PLEKHA5: variants seen among roughly 807,000 people sequenced by gnomAD.
PLEKHA5 encodes the protein pleckstrin homology domain containing A5.
A neutral mutation model predicts 181.9 loss-of-function variants in PLEKHA5; 55 were observed. The observed-to-expected ratio is 0.30, with a 90% CI of 0.24 to 0.38. The LOEUF (loss-of-function observed/expected upper bound fraction) is 0.38. Ranked by LOEUF, PLEKHA5 falls within the 10% of genes least tolerant of loss-of-function variation. The probability of loss-of-function intolerance (pLI) is 1.00; values close to 1 mark genes in which losing one functional copy is unlikely to be tolerated. For missense variants in PLEKHA5, 1,432 were observed against 1,549.5 expected (o/e 0.92, Z 1.27); for synonymous variants, 535 against 529.4 (o/e 1.01, Z -0.15).
chr12:19,306,322 G>C (rs1405663446), intron 15 of PLEKHA5: 2 of 400,202 alleles, frequency 5.0e-6, no homozygotes, highest in African/African-American at 4.1e-5. Flanking sequence ...TGGGGTTGGA[G>C]GCGAGGTGGG....
intron 11 of PLEKHA5, among the ~76,000 whole-genome samples, chr12:19,279,258 A>T (rs546084072): frequency 9.9e-5 from 15 of 152,280 alleles, no homozygotes; most frequent in Admixed American, 5.2e-4. Flanking sequence ...GGATTTTTTT[A>T]AAAAATCAAA....
At chr12:19,327,328 T>C (rs1009517348) in intron 20 of PLEKHA5, among the ~76,000 whole-genome samples, 2 of 151,840 alleles carry the variant, frequency 1.3e-5, no homozygotes, top group Non-Finnish European at 2.9e-5. Context: ...TTAATTTGTA[T>C]TTCTCTGATG....
chr12:19,283,461 A>G lies in PLEKHA5; in HGVS notation c.1495A>G (p.Arg499Gly). 5 of 1,614,134 alleles carry G rather than the reference A, an allele frequency of 3.1e-6. No homozygotes were observed. The highest frequency in any genetic ancestry group is 4.2e-6 in the Non-Finnish European group (5 of 1,180,030). The change falls in exon 12 of 32, where the codon AGG becomes GGG. Residue 499 changes from arginine (R) to glycine (G), a missense_variant. By Grantham distance (125) the Arg-to-Gly change is moderately radical. Coordinates refer to ENST00000429027, the MANE Select transcript of PLEKHA5 (RefSeq NM_001256470.2). ...TLGPGAEEKR[R>G]SMRDDTMWQL... is the part of the protein sequence containing the mutation. ...AGGACCCGGAGCGGAGGAGAAACGG[A>G]GGTCCATGAGAGATGACACAATGTG...
intron 10 of PLEKHA5, among the ~76,000 whole-genome samples, chr12:19,273,097 C>CG (rs897931369): frequency 1.6e-4 from 24 of 151,944 alleles, no homozygotes; most frequent in African/African-American, 5.8e-4. Flanking sequence ...TTCGTAGAGA[C>CG]GGGGTCTCAC....
intron 20 of PLEKHA5, among the ~76,000 whole-genome samples, chr12:19,327,457 G>A (rs367601063): frequency 4.0e-4 from 61 of 151,062 alleles, no homozygotes; most frequent in African/African-American, 1.3e-3. Flanking sequence ...TTTTTTCCTC[G>A]TTCAATTGCT....
intron 15 of PLEKHA5, among the ~76,000 whole-genome samples, chr12:19,297,628 C>CA (rs934426933): frequency 0.02 from 1,283 of 63,152 alleles, 18 homozygotes; most frequent in East Asian, 0.032. Flanking sequence ...GGCTCCGTCT[C>CA]AAAAAAAAAA....
At chr12:19,337,721 A>G (rs2093562292) in intron 21 of PLEKHA5, among the ~76,000 whole-genome samples, 1 of 152,026 alleles carries the variant, frequency 6.6e-6, no homozygotes, top group South Asian at 2.1e-4. Context: ...GATCAATACA[A>G]TGAATGAAAA....
intron 29 of PLEKHA5, among the ~76,000 whole-genome samples, chr12:19,362,412 T>A (rs2095279422): frequency 6.6e-6 from 1 of 151,802 alleles, no homozygotes; most frequent in Admixed American, 6.6e-5. Context: ...TGCATGTCTG[T>A]GGTCCCAGCT....
In PLEKHA5 at chr12:19,263,293, G is replaced by A. The variant is rs563974993; in HGVS notation, c.610+2272G>A. Among the ~76,000 whole-genome samples, 8 of 152,120 alleles carry A rather than the reference G, an allele frequency of 5.3e-5. No homozygotes were observed. The East Asian group carries it at 9.7e-4, about 18-fold the overall frequency. On this transcript the variant is annotated intron_variant, in intron 7 of 31. Coordinates refer to ENST00000429027, the MANE Select transcript of PLEKHA5 (RefSeq NM_001256470.2). ...GTGGGGAATCTTATGTTCATTGCAC[G>A]CGAGGGGAAACTCATATACAAAGTG...
chr12:19,226,455 C>T (rs528063721), intron 3 of PLEKHA5, among the ~76,000 whole-genome samples: 76 of 152,166 alleles, frequency 5.0e-4, no homozygotes, highest in Middle Eastern at 6.8e-3. Context: ...GGTATATATA[C>T]CTGGGAGTTG....
At chr12:19,190,513 G>A (rs1207093776) in intron 3 of PLEKHA5, among the ~76,000 whole-genome samples, 2 of 152,168 alleles carry the variant, frequency 1.3e-5, no homozygotes, top group Non-Finnish European at 2.9e-5. Flanking sequence ...TACATGCTGC[G>A]CATGAGTGAT....
At chr12:19,247,052 G>C (rs2063938214) in intron 3 of PLEKHA5, among the ~76,000 whole-genome samples, 1 of 152,162 alleles carries the variant, frequency 6.6e-6, no homozygotes, top group African/African-American at 2.4e-5. Context: ...GCATGGTTAT[G>C]ATGTTTTTTA....
intron 20 of PLEKHA5, among the ~76,000 whole-genome samples, chr12:19,325,114 AG>A (rs2091782728): frequency 6.6e-6 from 1 of 152,264 alleles, no homozygotes; most frequent in South Asian, 2.1e-4. Context: ...GAATTTTGCC[AG>A]GAGTGCTGGC....
At chr12:19,205,529 T>A (rs2055222898) in intron 3 of PLEKHA5, 1 of 209,898 alleles carries the variant, frequency 4.8e-6, no homozygotes, top group African/African-American at 2.4e-5. Context: ...TATCTGCTGC[T>A]TTTTTGTACT....
chr12:19,189,636 G>T (rs1176625426), intron 3 of PLEKHA5, among the ~76,000 whole-genome samples: 4 of 152,150 alleles, frequency 2.6e-5, no homozygotes, highest in African/African-American at 9.7e-5. Context: ...GGAAATTTCA[G>T]GCAGGAAGTT....
intron 3 of PLEKHA5, among the ~76,000 whole-genome samples, chr12:19,161,025 T>G (rs1242557068): frequency 1.3e-5 from 2 of 152,204 alleles, no homozygotes; most frequent in South Asian, 4.1e-4. Flanking sequence ...ACTAGTCTTT[T>G]AATCTTTTAT....
At chr12:19,253,499 T>A (rs2065968670) in intron 3 of PLEKHA5, among the ~76,000 whole-genome samples, 1 of 151,952 alleles carries the variant, frequency 6.6e-6, no homozygotes, top group African/African-American at 2.4e-5. Context: ...CAATAGATAG[T>A]AGGAAAGATA....
At chr12:19,253,715 G>T (rs1351399370) in intron 3 of PLEKHA5, among the ~76,000 whole-genome samples, 1 of 151,996 alleles carries the variant, frequency 6.6e-6, no homozygotes, top group African/African-American at 2.4e-5. Context: ...AGCTACTTGG[G>T]AGGCTGAGGC....
intron 3 of PLEKHA5, among the ~76,000 whole-genome samples, chr12:19,160,441 T>G (rs2042714892): frequency 6.6e-6 from 1 of 152,134 alleles, no homozygotes; most frequent in South Asian, 2.1e-4. Flanking sequence ...AAAAAATGTT[T>G]TTTCTGAATA....
Sources: allele counts gnomAD v4.1 joint callset (sites outside exome capture counted in the v4.1 genomes callset), GRCh38; gene constraint gnomAD v4.1.1; transcripts MANE v1.5; gene names NCBI Gene and HGNC (gene_info 2026-07-23, HGNC 2026-07-21).